The following ANKRD35 variants were observed in gnomAD, a reference collection of about 807,000 sequenced individuals.
ANKRD35 encodes ankyrin repeat domain-containing protein 35.
ANKRD35 carries 102 observed loss-of-function variants against 109.9 expected under a neutral mutation model. The observed-to-expected ratio is 0.93, with a 90% CI of 0.79 to 1.09. The LOEUF (loss-of-function observed/expected upper bound fraction) is 1.09. Among genes scored for constraint, ANKRD35 ranks in the 50% least tolerant of loss-of-function variants. ANKRD35 has a pLI of 0.00. For missense variants in ANKRD35, 1,240 were observed against 1,230.1 expected (o/e 1.01, Z -0.12); for synonymous variants, 515 against 512.4 (o/e 1.01, Z -0.07).
rs893073223 is a variant in ANKRD35 at position 145,885,825 on chromosome 1, C to A, written c.-67G>T. 34 of 1,262,614 alleles carry A rather than the reference C, an allele frequency of 2.7e-5. No individual in the cohort carries two copies. Among genetic ancestry groups the A allele is most frequent in the Non-Finnish European group, 3.9e-5 (34 of 864,126 alleles). The allele number at this position is 1,262,614 out of a possible 1,614,324, so 78.2% of individuals were successfully genotyped here. ...CCGGGCCACAGGTTCCCGAACCCAC[C>A]GGACTTGGCTGCGGCTGTGCAAGAG... On this transcript the variant is annotated 5_prime_UTR_variant, in exon 1 of 14. Coordinates refer to ENST00000355594, the MANE Select transcript of ANKRD35 (RefSeq NM_144698.5).
rs1653927887 is a variant in ANKRD35, at chr1:145,873,406, C to G, written c.1363G>C (p.Asp455His). 4 of 1,614,088 alleles carry G rather than the reference C, an allele frequency of 2.5e-6. No individual in the cohort carries two copies. Among genetic ancestry groups the G allele is most frequent in the Admixed American group, 3.3e-5 (2 of 60,004 alleles). The stretch of plus-strand genomic sequence containing the variant: ...CCAGCAGGCAGCTGGTCAGCATGAT[C>G]AGGGCCAAAGGTCTGTGCCCCATTG... ...TTNGAQTFGP[D>H]HADQLPAGQK... Residue 455 changes from aspartate (D) to histidine (H), a missense_variant, in exon 10 of 14, where the codon GAT (aspartate) becomes CAT (histidine). Physicochemically the swap from Asp to His is moderately conservative, Grantham distance 81. Transcript: ENST00000355594.
At chr1:145,879,187 A>G (rs1170608827) in intron 2 of ANKRD35, 71 bp downstream of exon 2, 12 of 1,446,062 alleles carry the variant, frequency 8.3e-6, no homozygotes, top group East Asian at 2.6e-5. Flanking sequence ...CCCTGGTCCT[A>G]TGTTATATTG....
Position 145,872,830 on chromosome 1 carries a change from ACT to A in ANKRD35, c.1937_1938del (p.Gln646LeufsTer33), listed in dbSNP as rs782648809. On this transcript the variant is annotated frameshift_variant, in exon 10 of 14. Coordinates refer to ENST00000355594, the MANE Select transcript of ANKRD35 (RefSeq NM_144698.5). LOFTEE classifies it high-confidence loss of function. The part of the protein sequence containing the change: ...RERQRLQREL[Q>X]SLSQRLQREF... ...TCCCGCTGCAGCCGCTGGCTCAGGG[ACT>A]GTAGCTCCCTCTGCAACCTCTGCCG... The A allele has an allele frequency of 1.2e-6, 2 of 1,613,912 alleles. No homozygotes were observed. Among genetic ancestry groups the A allele is most frequent in the South Asian group, 2.2e-5 (2 of 91,072 alleles).
In ANKRD35 at chr1:145,873,856, C is replaced by A. The variant is rs916343271; in HGVS notation, c.913G>T (p.Glu305Ter). Residue 305 changes from glutamate (E) to a stop codon, truncating the protein, a stop_gained, in exon 10 of 14, where the codon GAG (glutamate) becomes TAG (stop). Coordinates refer to ENST00000355594, the MANE Select transcript of ANKRD35 (RefSeq NM_144698.5). LOFTEE classifies it high-confidence loss of function. ...TCCAGCCGAACAACTTTCCTCCGCT[C>A]CTCTTCATACTTCCACCTCCACTCC... ...SEEWRWKYEEERRKVVRLEQE... is the reference protein window; with the variant it reads ...SEEWRWKYEE 1 of 1,613,338 alleles carries A rather than the reference C, an allele frequency of 6.2e-7. No homozygotes were observed. Among genetic ancestry groups the A allele is most frequent in the Admixed American group, 1.7e-5 (1 of 59,838 alleles).
At chr1:145,871,869 G>C in intron 10 of ANKRD35, 113 bp downstream of exon 10, 1 of 1,329,518 alleles carries the variant, frequency 7.5e-7, no homozygotes, top group Non-Finnish European at 1.0e-6. Flanking sequence ...TGCTCCGTTT[G>C]GGGTATTAAT....
intron 10 of ANKRD35, among the ~76,000 whole-genome samples, chr1:145,870,358 C>G (rs1653765370): frequency 6.6e-6 from 1 of 152,070 alleles, no homozygotes; most frequent in South Asian, 2.1e-4. Flanking sequence ...TCCCAAAGTG[C>G]TGGGATTACA....
chr1:145,873,736 C>T lies in ANKRD35; in HGVS notation c.1033G>A (p.Gly345Arg). Residue 345 changes from glycine to arginine, a missense_variant, in exon 10 of 14, where the codon GGG becomes AGG. Coordinates refer to ENST00000355594, the MANE Select transcript of ANKRD35 (RefSeq NM_144698.5). ...NQIREQAQEL[G>R]VLLSWEPRAS... ...CTGGGCTCCCAGGATAGGAGGACCC[C>T]TAGCTCCTGCGCCTGCTCTCGAATC... 6.2e-7 allele frequency: 1 copy of T among 1,613,654 alleles called. No individual in the cohort carries two copies. Among genetic ancestry groups the T allele is most frequent in the African/African-American group, 1.3e-5 (1 of 75,038 alleles).
chr1:145,883,128 A>T (rs1654355732), intron 1 of ANKRD35, among the ~76,000 whole-genome samples: 1 of 125,454 alleles, frequency 8.0e-6, no homozygotes, highest in African/African-American at 3.1e-5. Flanking sequence ...CTTGTTGCCC[A>T]GGCTGGAGTG....
intron 1 of ANKRD35, among the ~76,000 whole-genome samples, chr1:145,883,329 C>A (rs1448348352): frequency 6.6e-6 from 1 of 152,190 alleles, no homozygotes; most frequent in Non-Finnish European, 1.5e-5. Context: ...AGGTGATCCA[C>A]CCGCTTCAGC....
chr1:145,873,384 G>A lies in ANKRD35; in HGVS notation c.1385C>T (p.Ala462Val). The change falls in exon 10 of 14, where the codon GCT (alanine) becomes GTT (valine). Residue 462 changes from alanine to valine, a missense_variant. Ala to Val is a moderately conservative substitution (Grantham distance 64, BLOSUM62 0). Coordinates refer to ENST00000355594, the MANE Select transcript of ANKRD35 (RefSeq NM_144698.5). Reference sequence around the variant, plus strand: ...AACCTGGGAACTCTCCTTCTGACCAGCAGGCAGCTGGTCAGCATGATCAGG... The same window carrying A: ...AACCTGGGAACTCTCCTTCTGACCAACAGGCAGCTGGTCAGCATGATCAGG... ...FGPDHADQLP[A>V]GQKESSQVLG... 6.2e-7 allele frequency: 1 copy of A among 1,614,228 alleles called. No individual in the cohort carries two copies. Among genetic ancestry groups the A allele is most frequent in the South Asian group, 1.1e-5 (1 of 91,090 alleles).
chr1:145,881,250 A>G, intron 1 of ANKRD35, among the ~76,000 whole-genome samples: 1 of 152,244 alleles, frequency 6.6e-6, no homozygotes, highest in East Asian at 1.9e-4. Context: ...GCACCATTGC[A>G]CTCCAGTCTG....
intron 1 of ANKRD35, among the ~76,000 whole-genome samples, chr1:145,883,248 C>G (rs138990014): frequency 0.1 from 15,295 of 151,994 alleles, 1,378 homozygotes; most frequent in African/African-American, 0.22. Context: ...CCACACCCGG[C>G]TAATTTTTGT....
chr1:145,867,405 G>A lies in ANKRD35; in HGVS notation c.2944-13C>T, dbSNP rs1553737906. 1.9e-6 allele frequency: 3 copies of A among 1,612,594 alleles called. No individual in the cohort carries two copies. In the South Asian group the frequency reaches 3.3e-5, roughly 18 times the overall value. ...GTTCCATGTAACCCTGTAGATGTCAGGAAAGGAAGAAAAGGAGATGAAGAA... is the reference window on the plus strand; with the variant it reads ...GTTCCATGTAACCCTGTAGATGTCAAGAAAGGAAGAAAAGGAGATGAAGAA... On this transcript the variant is annotated splice_polypyrimidine_tract_variant and intron_variant, in intron 12 of 13. Coordinates refer to ENST00000355594, the MANE Select transcript of ANKRD35 (RefSeq NM_144698.5).
At chr1:145,867,543 T>A in intron 12 of ANKRD35, 151 bp from the exon 13 acceptor site, 1 of 650,734 alleles carries the variant, frequency 1.5e-6, no homozygotes, top group Non-Finnish European at 2.7e-6. Context: ...TTTTTCCCTA[T>A]CTTCACAGGG....
rs782590468 is a variant in ANKRD35, at chr1:145,876,248, T to G, written c.454-2A>C. The G allele has an allele frequency of 9.3e-6, 15 of 1,609,796 alleles. No homozygotes were observed. Among genetic ancestry groups the G allele is most frequent in the Non-Finnish European group, 1.3e-5 (15 of 1,176,846 alleles). ...GATCATCAGGGGTGTACGTCCATCCTGCACAGATTGTAGGAAGAGGTTCAT... is the reference window on the plus strand; with the variant it reads ...GATCATCAGGGGTGTACGTCCATCCGGCACAGATTGTAGGAAGAGGTTCAT... On this transcript the variant is annotated splice_acceptor_variant, in intron 6 of 13. Coordinates refer to ENST00000355594, the MANE Select transcript of ANKRD35 (RefSeq NM_144698.5). LOFTEE classifies it high-confidence loss of function.
Position 145,876,197 on chromosome 1 carries a change from A to C in ANKRD35, c.503T>G (p.Ile168Ser). The C allele has an allele frequency of 6.2e-7, 1 of 1,614,074 alleles. No individual in the cohort carries two copies. Residue 168 changes from isoleucine to serine, a missense_variant, in exon 7 of 14, where the codon ATC becomes AGC. Coordinates refer to ENST00000355594, the MANE Select transcript of ANKRD35 (RefSeq NM_144698.5). Reference protein sequence around the residue: ...MIASLGGHAAICSQLLQRGAR... With the variant: ...MIASLGGHAASCSQLLQRGAR... ...GCCTCGCTGCAGCAGCTGTGAGCAGATAGCTGCGTGCCCACCCAGCGATGC... is the reference window on the plus strand; with the variant it reads ...GCCTCGCTGCAGCAGCTGTGAGCAGCTAGCTGCGTGCCCACCCAGCGATGC...
intron 7 of ANKRD35, 62 bp downstream of exon 7, chr1:145,876,078 A>T: frequency 6.9e-7 from 1 of 1,454,332 alleles, no homozygotes; most frequent in Non-Finnish European, 9.6e-7. Flanking sequence ...CACGTTGCCC[A>T]CTGGCTTCTT....
chr1:145,874,763 G>T, intron 8 of ANKRD35, 59 bp downstream of exon 8: 1 of 1,469,448 alleles, frequency 6.8e-7, no homozygotes, highest in South Asian at 1.5e-5. Flanking sequence ...GAAACAAATG[G>T]GACTCTAAGA....
rs1193192685 is a variant in ANKRD35 at position 145,876,208 on chromosome 1, C to T, written c.492G>A (p.Gly164=). 1.2e-6 allele frequency: 2 copies of T among 1,613,848 alleles called. No individual in the cohort carries two copies. Among genetic ancestry groups the T allele is most frequent in the Non-Finnish European group, 1.7e-6 (2 of 1,179,950 alleles). ...RTPLMIASLG[G]HAAICSQLLQ... ...GCAGCTGTGAGCAGATAGCTGCGTG[C>T]CCACCCAGCGATGCGATCATCAGGG... Residue 164 remains glycine (G), a synonymous_variant, in exon 7 of 14, where the codon GGG becomes GGA. Coordinates refer to ENST00000355594, the MANE Select transcript of ANKRD35 (RefSeq NM_144698.5).
Sources: gnomAD v4.1 joint callset for allele counts (sites outside exome capture counted in the v4.1 genomes callset) on GRCh38, gnomAD v4.1.1 for gene constraint, MANE v1.5 for transcripts, NCBI Gene and HGNC (gene_info 2026-07-23, HGNC 2026-07-21) for gene names.